BLM: variants seen among roughly 807,000 people sequenced by gnomAD.
BLM encodes the protein BLM RecQ like helicase, also known as recQ-like DNA helicase BLM.
In BLM, 95 loss-of-function variants were observed where a neutral mutation model predicts 135.3. The ratio of observed to expected loss-of-function variants is 0.70; its 90% CI spans 0.59 to 0.83. The LOEUF (loss-of-function observed/expected upper bound fraction) is 0.83, where lower values mean the gene tolerates loss of function less well. BLM is among the 40% of genes least tolerant of loss of function. The pLI is 0.00. For missense variants in BLM, 1,518 were observed against 1,663.9 expected (o/e 0.91, Z 1.53); for synonymous variants, 520 against 589.2 (o/e 0.88, Z 1.70).
chr15:90,763,070 T>A lies in BLM; in HGVS notation c.1987T>A (p.Phe663Ile). 6.2e-7 allele frequency: 1 copy of A among 1,614,110 alleles called. No individual in the cohort carries two copies. Residue 663 changes from phenylalanine (F) to isoleucine (I), a missense_variant, in exon 8 of 22, where the codon TTT becomes ATT. Phe to Ile is a conservative substitution (Grantham distance 21). Around this residue, in one of 5 missense-constraint regions of BLM, gnomAD observed 13 missense variants for 35.8 expected, o/e 0.36. Transcript: ENST00000355112. ...KEMMKIFHKK[F>I]GLHNFRTNQL... is the part of the protein sequence containing the mutation. Reference sequence around the variant, plus strand: ...AATGATGAAGATTTTTCATAAAAAATTTGGCCTGCATAATTTTAGAACTAA... The same window carrying A: ...AATGATGAAGATTTTTCATAAAAAAATTGGCCTGCATAATTTTAGAACTAA...
chr15:90,774,335 G>A (rs907233935), intron 12 of BLM, among the ~76,000 whole-genome samples: 8 of 151,628 alleles, frequency 5.3e-5, no homozygotes, highest in African/African-American at 1.9e-4. Context: ...ACCTCCCAAA[G>A]TGCTGGGCTT....
At chr15:90,725,650 G>A (rs991962462) in intron 1 of BLM, among the ~76,000 whole-genome samples, 1 of 149,958 alleles carries the variant, frequency 6.7e-6, no homozygotes, top group Non-Finnish European at 1.5e-5. Flanking sequence ...ACAGGCGCCC[G>A]CCACCATGCC....
chr15:90,745,657 C>T (rs1044507959), intron 1 of BLM, among the ~76,000 whole-genome samples: 2 of 152,176 alleles, frequency 1.3e-5, no homozygotes, highest in East Asian at 1.9e-4. Flanking sequence ...GCGATCCGCT[C>T]ACCTCAGCCT....
intron 17 of BLM, among the ~76,000 whole-genome samples, chr15:90,799,416 CAAG>C (rs1217599291): frequency 6.6e-6 from 1 of 151,170 alleles, no homozygotes; most frequent in Non-Finnish European, 1.5e-5. Flanking sequence ...AAAATAAAGT[CAAG>C]AAAATTTAGG....
chr15:90,792,083 C>CTTTTTTTTTT (rs35083164), intron 15 of BLM, among the ~76,000 whole-genome samples: 1 of 143,294 alleles, frequency 7.0e-6, no homozygotes. Flanking sequence ...TCTGAGACCA[C>CTTTTTTTTTT]TTTTTTTTTT....
intron 1 of BLM, among the ~76,000 whole-genome samples, chr15:90,737,036 T>G (rs923052604): frequency 5.9e-5 from 9 of 151,938 alleles, no homozygotes; most frequent in African/African-American, 1.7e-4. Flanking sequence ...AAACACAAAC[T>G]AATCTAATTC....
At chr15:90,785,998 CTTTTTTTTTTTTTTT>C (rs869185558) in intron 14 of BLM, among the ~76,000 whole-genome samples, 1,710 of 110,754 alleles carry the variant, frequency 0.015, 62 homozygotes, top group African/African-American at 0.05. Context: ...TCGTTTCTTT[CTTTTTTTTTTTTTTT>C]TTTTTTTTGA....
At chr15:90,798,147 G>C (rs1262878072) in intron 16 of BLM, 43 bp from the exon 17 acceptor site, 1 of 1,537,464 alleles carries the variant, frequency 6.5e-7, no homozygotes, top group Non-Finnish European at 8.9e-7. Flanking sequence ...TCTAGGCATT[G>C]TTACCTTAAT....
chr15:90,728,914 T>G (rs1306061872), intron 1 of BLM, among the ~76,000 whole-genome samples: 1 of 152,000 alleles, frequency 6.6e-6, no homozygotes, highest in Non-Finnish European at 1.5e-5. Context: ...GAACATTGGC[T>G]CATGCCTGTA....
At chr15:90,768,701 C>T (rs139469374) in intron 10 of BLM, among the ~76,000 whole-genome samples, 250 of 152,182 alleles carry the variant, frequency 1.6e-3, no homozygotes, top group Middle Eastern at 0.014. Context: ...AAATAAGAAC[C>T]AATTTTATAT....
chr15:90,720,325 T>C (rs1453578702), intron 1 of BLM, among the ~76,000 whole-genome samples: 1 of 152,222 alleles, frequency 6.6e-6, no homozygotes, highest in Non-Finnish European at 1.5e-5. Context: ...CTTGGAGTTA[T>C]GACATATGGA....
chr15:90,744,732 G>A (rs1895455361), intron 1 of BLM, among the ~76,000 whole-genome samples: 1 of 150,982 alleles, frequency 6.6e-6, no homozygotes, highest in Non-Finnish European at 1.5e-5. Flanking sequence ...CAGAGATTAA[G>A]GTCTTAAAAT....
intron 12 of BLM, among the ~76,000 whole-genome samples, chr15:90,780,081 C>CTT (rs1164879678): frequency 0.031 from 4,161 of 135,394 alleles, 112 homozygotes; most frequent in African/African-American, 0.068. Flanking sequence ...AGCAGGATGT[C>CTT]TTTTTTTTTT....
intron 13 of BLM, among the ~76,000 whole-genome samples, chr15:90,784,335 T>C (rs189133236): frequency 2.6e-4 from 34 of 131,698 alleles, no homozygotes; most frequent in Admixed American, 1.6e-3. Context: ...TTCTTTTTTT[T>C]TTTTTTTTTT....
intron 19 of BLM, among the ~76,000 whole-genome samples, chr15:90,807,543 G>A (rs936410032): frequency 6.6e-6 from 1 of 152,126 alleles, no homozygotes; most frequent in African/African-American, 2.4e-5. Context: ...GGAACTACAG[G>A]CATGTACCAC....
At chr15:90,724,745 A>C (rs1344606379) in intron 1 of BLM, among the ~76,000 whole-genome samples, 2 of 152,174 alleles carry the variant, frequency 1.3e-5, no homozygotes, top group African/African-American at 4.8e-5. Context: ...CTCTCCAGGC[A>C]CACCAGCCTC....
At chr15:90,769,686 AC>A in intron 12 of BLM, 100 bp downstream of exon 12, 4 of 1,265,728 alleles carry the variant, frequency 3.2e-6, no homozygotes, top group Non-Finnish European at 4.3e-6. Flanking sequence ...CCACCACCCC[AC>A]CCCCACCCCA....
At chr15:90,772,669 G>A (rs1462085826) in intron 12 of BLM, among the ~76,000 whole-genome samples, 1 of 152,212 alleles carries the variant, frequency 6.6e-6, no homozygotes, top group African/African-American at 2.4e-5. Flanking sequence ...GAAGAAAGCA[G>A]TGATTTGAGA....
chr15:90,745,155 C>G (rs910924293), intron 1 of BLM, among the ~76,000 whole-genome samples: 1 of 152,128 alleles, frequency 6.6e-6, no homozygotes, highest in Non-Finnish European at 1.5e-5. Flanking sequence ...AGGAAAGAAG[C>G]TCTCAATGAC....
Sources: gnomAD v4.1 joint callset for allele counts (sites outside exome capture counted in the v4.1 genomes callset) on GRCh38, gnomAD v4.1.1 for gene constraint, gnomAD v4.1.1 regional missense constraint, MANE v1.5 for transcripts, NCBI Gene and HGNC (gene_info 2026-07-23, HGNC 2026-07-21) for gene names.